EXOC4: variants seen among roughly 807,000 people sequenced by gnomAD.
The protein encoded by EXOC4 is SEC8-like 1.
Under a neutral mutation model 107.2 loss-of-function variants are expected in EXOC4, and 71 were observed. The ratio of observed to expected loss-of-function variants is 0.66; its 90% confidence interval spans 0.55 to 0.81. The LOEUF is 0.81. EXOC4 is among the 30% of genes least tolerant of loss of function. EXOC4 has a pLI of 0.00. For synonymous variants in EXOC4, 456 were observed against 441.2 expected (o/e 1.03, Z -0.42); for missense variants, 1,108 against 1,189.6 (o/e 0.93, Z 1.01).
intron 10 of EXOC4, among the ~76,000 whole-genome samples, chr7:133,772,113 C>T (rs1467239795): frequency 6.6e-6 from 1 of 151,856 alleles, no homozygotes; most frequent in Non-Finnish European, 1.5e-5. Flanking sequence ...TAACTGAAAT[C>T]GGTTGCCAAA....
intron 14 of EXOC4, among the ~76,000 whole-genome samples, chr7:133,968,228 T>C (rs1380663503): frequency 6.6e-6 from 1 of 152,224 alleles, no homozygotes; most frequent in Non-Finnish European, 1.5e-5. Flanking sequence ...TTTGAGCCTA[T>C]GTGTGTCTTT....
At chr7:133,612,393 A>T (rs1473717763) in intron 9 of EXOC4, among the ~76,000 whole-genome samples, 1 of 152,178 alleles carries the variant, frequency 6.6e-6, no homozygotes, top group East Asian at 1.9e-4. Flanking sequence ...TATGCCAAGG[A>T]AGGGCTTACT....
intron 9 of EXOC4, among the ~76,000 whole-genome samples, chr7:133,546,232 C>G (rs1049163656): frequency 6.9e-6 from 1 of 144,602 alleles, no homozygotes; most frequent in African/African-American, 2.5e-5. Flanking sequence ...AAATTTCACC[C>G]TTTTTATAAT....
chr7:133,569,818 T>A (rs1316188508), intron 9 of EXOC4, among the ~76,000 whole-genome samples: 1 of 152,226 alleles, frequency 6.6e-6, no homozygotes, highest in African/African-American at 2.4e-5. Flanking sequence ...GTTTCCAGGC[T>A]GCTTCCAGTG....
intron 5 of EXOC4, among the ~76,000 whole-genome samples, chr7:133,343,835 AT>A (rs769252468): frequency 0.019 from 2,663 of 143,266 alleles, 59 homozygotes; most frequent in African/African-American, 0.058. Flanking sequence ...TATCTTTGAG[AT>A]TTTTTTTTTT....
At chr7:133,785,210 G>A (rs1796543907) in intron 10 of EXOC4, among the ~76,000 whole-genome samples, 1 of 151,952 alleles carries the variant, frequency 6.6e-6, no homozygotes. Context: ...TATGTTCTTC[G>A]GGTCTGTTTG....
intron 11 of EXOC4, among the ~76,000 whole-genome samples, chr7:133,864,829 G>A (rs1563033861): frequency 1.3e-5 from 2 of 152,164 alleles, no homozygotes; most frequent in Non-Finnish European, 2.9e-5. Context: ...CTCAGAGCAG[G>A]AGTCTGAGGG....
chr7:133,868,864 GA>G (rs1798695110), intron 11 of EXOC4, among the ~76,000 whole-genome samples: 1 of 152,110 alleles, frequency 6.6e-6, no homozygotes, highest in Non-Finnish European at 1.5e-5. Flanking sequence ...AAGAGGGAGG[GA>G]GAATAAATGT....
intron 14 of EXOC4, among the ~76,000 whole-genome samples, chr7:133,990,690 G>C (rs1190252330): frequency 6.6e-6 from 1 of 152,064 alleles, no homozygotes; most frequent in Admixed American, 6.6e-5. Context: ...TCCTGACCTC[G>C]TGATCCACCC....
chr7:133,545,496 C>A (rs1223928146), intron 9 of EXOC4, among the ~76,000 whole-genome samples: 1 of 152,080 alleles, frequency 6.6e-6, no homozygotes, highest in Non-Finnish European at 1.5e-5. Context: ...CATTAAATGC[C>A]ATATCTTGAT....
chr7:133,318,214 C>T (rs1795035363), intron 5 of EXOC4, among the ~76,000 whole-genome samples: 1 of 152,200 alleles, frequency 6.6e-6, no homozygotes, highest in Non-Finnish European at 1.5e-5. Flanking sequence ...ACAAACTTAT[C>T]TTTTCTTCTT....
chr7:133,417,419 T>C (rs1797504371), intron 7 of EXOC4, among the ~76,000 whole-genome samples: 1 of 152,176 alleles, frequency 6.6e-6, no homozygotes, highest in African/African-American at 2.4e-5. Context: ...CTGAAACCTT[T>C]TTTACACTTA....
At chr7:133,915,751 A>T (rs903015567) in intron 12 of EXOC4, among the ~76,000 whole-genome samples, 2 of 152,238 alleles carry the variant, frequency 1.3e-5, no homozygotes, top group African/African-American at 4.8e-5. Context: ...CAAGGAAATA[A>T]CAAAAGAGGG....
chr7:133,627,511 T>C (rs746256880), intron 9 of EXOC4, among the ~76,000 whole-genome samples: 8 of 152,226 alleles, frequency 5.3e-5, no homozygotes, highest in Admixed American at 2.0e-4. Context: ...TATTTATCTG[T>C]TCCTGAAGTG....
At chr7:133,943,676 A>T (rs1007394842) in intron 14 of EXOC4, among the ~76,000 whole-genome samples, 1 of 152,158 alleles carries the variant, frequency 6.6e-6, no homozygotes, top group Admixed American at 6.5e-5. Context: ...ATGTTCCACT[A>T]TTGCGGGAAC....
rs142340403 is a variant in EXOC4, at chr7:133,767,190, C to T, written c.1515-50135C>T. Among the ~76,000 whole-genome samples, 10 of 151,954 alleles carry T rather than the reference C, an allele frequency of 6.6e-5. No individual in the cohort carries two copies. In the East Asian group the frequency reaches 1.7e-3, roughly 27 times the overall value. ...AAATTTGCAATTTCTTCTACCTAGT[C>T]ACTCTCCCTAATTTACATCAAAAAC... On this transcript the variant is annotated intron_variant, in intron 10 of 17. Coordinates refer to ENST00000253861, the MANE Select transcript of EXOC4 (RefSeq NM_021807.4).
chr7:133,449,854 C>T (rs1798301615), intron 7 of EXOC4, among the ~76,000 whole-genome samples: 1 of 151,686 alleles, frequency 6.6e-6, no homozygotes, highest in Non-Finnish European at 1.5e-5. Context: ...TTTATTATTG[C>T]TGTTTTTCCC....
At chr7:133,811,602 A>G (rs1456282951) in intron 10 of EXOC4, among the ~76,000 whole-genome samples, 2 of 152,230 alleles carry the variant, frequency 1.3e-5, no homozygotes, top group Non-Finnish European at 2.9e-5. Context: ...TTTGGTTAAT[A>G]AAACTGTTCA....
At chr7:133,920,308 A>G (rs1799908811) in intron 13 of EXOC4, among the ~76,000 whole-genome samples, 1 of 152,070 alleles carries the variant, frequency 6.6e-6, no homozygotes, top group Admixed American at 6.5e-5. Context: ...TTTTGCAAAG[A>G]TTTTCTCCCA....
Sources: gnomAD v4.1 joint callset for allele counts (sites outside exome capture counted in the v4.1 genomes callset) on GRCh38, gnomAD v4.1.1 for gene constraint, MANE v1.5 for transcripts, NCBI Gene and HGNC (gene_info 2026-07-23, HGNC 2026-07-21) for gene names.